Variants in C11orf54 observed in about 807,000 individuals in gnomAD.
The protein encoded by C11orf54 is beta-keto L-gulonate decarboxylase.
Under a neutral mutation model 35.5 loss-of-function variants are expected in C11orf54, and 29 were observed. The ratio of observed to expected loss-of-function variants is 0.82; its 90% CI spans 0.61 to 1.11. The LOEUF (loss-of-function observed/expected upper bound fraction) is 1.11, where lower values mean the gene tolerates loss of function less well. Ranked by LOEUF, C11orf54 falls within the 50% of genes most tolerant of loss-of-function variation. C11orf54 has a pLI of 0.00. For synonymous variants in C11orf54, 108 were observed against 121.1 expected (o/e 0.89, Z 0.71); for missense variants, 373 against 369.2 (o/e 1.01, Z -0.08).
In C11orf54 at chr11:93,761,748, T is replaced by C; in HGVS notation, c.*60T>C. On this transcript the variant is annotated 3_prime_UTR_variant, in exon 9 of 9. Coordinates refer to ENST00000354421, the MANE Select transcript of C11orf54 (RefSeq NM_001286069.2). ...AAGGTTAATTAATTGATTGACTTAT[T>C]AATTAATACTGATATAAAACCAATA... 2 of 1,415,642 alleles carry C rather than the reference T, an allele frequency of 1.4e-6. No homozygotes were observed. Among genetic ancestry groups the C allele is most frequent in the Middle Eastern group, 1.8e-4 (1 of 5,418 alleles). The allele number at this position is 1,415,642 out of a possible 1,614,324, so 87.7% of individuals were successfully genotyped here.
chr11:93,743,384 C>T (rs763680170), intron 1 of C11orf54, among the ~76,000 whole-genome samples: 1 of 152,198 alleles, frequency 6.6e-6, no homozygotes, highest in Non-Finnish European at 1.5e-5. Flanking sequence ...GCAGGATATT[C>T]CTCTGACCCC....
intron 1 of C11orf54, among the ~76,000 whole-genome samples, chr11:93,744,711 C>G (rs563648517): frequency 6.6e-6 from 1 of 152,296 alleles, no homozygotes; most frequent in Non-Finnish European, 1.5e-5. Context: ...GGGGGCCTGC[C>G]CCTCCACACC....
At chr11:93,748,297 T>A (rs1310684385) in intron 2 of C11orf54, among the ~76,000 whole-genome samples, 2 of 152,090 alleles carry the variant, frequency 1.3e-5, no homozygotes, top group Non-Finnish European at 2.9e-5. Context: ...GACAGGGCAG[T>A]TAGGAATTTT....
chr11:93,749,529 T>C (rs931683879), intron 2 of C11orf54, among the ~76,000 whole-genome samples: 3 of 71,950 alleles, frequency 4.2e-5, no homozygotes, highest in Non-Finnish European at 6.5e-5. Context: ...AAAAAAAAAC[T>C]GTTGAGGCTA....
At chr11:93,761,493 T>C in intron 8 of C11orf54, 22 bp from the exon 9 acceptor site, 1 of 1,579,060 alleles carries the variant, frequency 6.3e-7, no homozygotes, top group Non-Finnish European at 8.6e-7. Context: ...AGTACTAACA[T>C]ATTGTTTGTC....
chr11:93,758,737 C>T (rs1943299260), intron 7 of C11orf54, among the ~76,000 whole-genome samples: 1 of 152,274 alleles, frequency 6.6e-6, no homozygotes, highest in Non-Finnish European at 1.5e-5. Flanking sequence ...TGAGCGGCGG[C>T]TGAGAGCAGC....
intron 2 of C11orf54, among the ~76,000 whole-genome samples, chr11:93,748,378 C>T (rs117032900): frequency 0.023 from 3,532 of 152,090 alleles, 62 homozygotes; most frequent in South Asian, 0.032. Flanking sequence ...GAACTCCTGG[C>T]CTCACTCGAT....
Position 93,753,755 on chromosome 11 carries a change from A to T in C11orf54, c.228A>T (p.Lys76Asn), listed in dbSNP as rs1201925011. The T allele has an allele frequency of 6.2e-7, 1 of 1,613,422 alleles. No individual in the cohort carries two copies. Among genetic ancestry groups the T allele is most frequent in the Non-Finnish European group, 8.5e-7 (1 of 1,179,630 alleles). Reference sequence around the variant, plus strand: ...TATTGCCTCTTGTAAACCAAAAAAAAGTAAGTACTTTTACTCTGCATATTC... The same window carrying T: ...TATTGCCTCTTGTAAACCAAAAAAATGTAAGTACTTTTACTCTGCATATTC... Reference protein sequence around the residue: ...PYLLPLVNQKKVYDLNKIAKE... With the variant: ...PYLLPLVNQKNVYDLNKIAKE... Residue 76 changes from lysine (K) to asparagine (N), a missense_variant and splice_region_variant, in exon 4 of 9, where the codon AAA becomes AAT. Lys to Asn is a moderately conservative substitution (Grantham distance 94). Transcript: ENST00000354421.
rs1196146078 is a variant in C11orf54, at chr11:93,761,430, C to G, written c.775-85C>G. The G allele has an allele frequency of 7.9e-6, 10 of 1,267,032 alleles. No homozygotes were observed. In the South Asian group the frequency reaches 1.1e-4, roughly 14 times the overall value. 78.5% of individuals were successfully genotyped at this position (1,267,032 alleles called of 1,614,324 possible). Reference sequence around the variant, plus strand: ...GTATTACCTATTTAAAAAATAAAAACTATTGCAACGTAAAAAGTTATCCCT... The same window carrying G: ...GTATTACCTATTTAAAAAATAAAAAGTATTGCAACGTAAAAAGTTATCCCT... On this transcript the variant is annotated intron_variant, in intron 8 of 8. Coordinates refer to ENST00000354421, the MANE Select transcript of C11orf54 (RefSeq NM_001286069.2).
intron 8 of C11orf54, among the ~76,000 whole-genome samples, chr11:93,760,721 C>G (rs1372673054): frequency 1.3e-5 from 2 of 152,012 alleles, no homozygotes; most frequent in Admixed American, 6.6e-5. Flanking sequence ...TGCAGTGATG[C>G]AATCTCGGCT....
At chr11:93,760,103 T>C (rs771230635) in intron 8 of C11orf54, among the ~76,000 whole-genome samples, 1 of 152,080 alleles carries the variant, frequency 6.6e-6, no homozygotes, top group Non-Finnish European at 1.5e-5. Context: ...TCTGCCACCA[T>C]GCCTGGCTAA....
intron 1 of C11orf54, among the ~76,000 whole-genome samples, chr11:93,744,377 G>T (rs1301874365): frequency 1.3e-5 from 2 of 152,212 alleles, no homozygotes; most frequent in Admixed American, 1.3e-4. Flanking sequence ...TTACTAAAGA[G>T]ATAATAAAGG....
At chr11:93,743,397 C>T (rs966834331) in intron 1 of C11orf54, among the ~76,000 whole-genome samples, 2 of 152,228 alleles carry the variant, frequency 1.3e-5, no homozygotes, top group African/African-American at 4.8e-5. Context: ...CTGACCCCTT[C>T]GTGGGTCTTG....
intron 7 of C11orf54, among the ~76,000 whole-genome samples, chr11:93,758,076 C>G (rs904700774): frequency 3.9e-5 from 6 of 152,120 alleles, no homozygotes; most frequent in African/African-American, 1.4e-4. Context: ...TTGGGAGGCC[C>G]AGGTGGGAGG....
intron 1 of C11orf54, chr11:93,746,440 T>C (rs1942477445): frequency 6.6e-6 from 1 of 152,250 alleles, no homozygotes; most frequent in Non-Finnish European, 1.5e-5. Context: ...GTCTTCATTT[T>C]ATCTCCCTCT....
chr11:93,758,756 G>T (rs1288949963), intron 7 of C11orf54, among the ~76,000 whole-genome samples: 2 of 152,254 alleles, frequency 1.3e-5, no homozygotes, highest in African/African-American at 4.8e-5. Context: ...GCTCCCCACT[G>T]GCCTTCAGGC....
chr11:93,751,429 A>AGAGTCTCACTCTGTCACC (rs1942822818), intron 3 of C11orf54, among the ~76,000 whole-genome samples: 1 of 125,812 alleles, frequency 7.9e-6, no homozygotes, highest in Admixed American at 9.1e-5. Flanking sequence ...TTTTTGAGAC[A>AGAGTCTCACTCTGTCACC]GAGTCTCACT....
chr11:93,758,376 AC>A (rs1289332744), intron 7 of C11orf54, among the ~76,000 whole-genome samples: 2 of 151,962 alleles, frequency 1.3e-5, no homozygotes, highest in African/African-American at 4.8e-5. Flanking sequence ...AGCAGCTCAA[AC>A]CCGCGGCTGC....
Position 93,744,891 on chromosome 11 carries a change from G to A in C11orf54, c.-97-2406G>A, listed in dbSNP as rs547073842. 2.6e-3 allele frequency among the ~76,000 whole-genome samples: 401 copies of A among 152,248 alleles called. 3 individuals carry two copies. Among genetic ancestry groups the A allele is most frequent in the African/African-American group, 9.1e-3 (376 of 41,542 alleles). On this transcript the variant is annotated intron_variant, in intron 1 of 8. Coordinates refer to ENST00000354421, the MANE Select transcript of C11orf54 (RefSeq NM_001286069.2). The stretch of plus-strand genomic sequence containing the variant: ...TTTATTGATTACTTTTCACTATCTC[G>A]GCAAGGGAACTGCGGTGGGAGAACA...
Sources: allele counts gnomAD v4.1 joint callset (sites outside exome capture counted in the v4.1 genomes callset), GRCh38; gene constraint gnomAD v4.1.1; transcripts MANE v1.5; gene names NCBI Gene and HGNC (gene_info 2026-07-23, HGNC 2026-07-21).